The following LRIG1 variants were observed in gnomAD, a reference collection of about 807,000 sequenced individuals.
LRIG1 encodes the protein leucine-rich repeats and immunoglobulin-like domains protein 1.
Under a neutral mutation model 99.2 loss-of-function variants are expected in LRIG1, and 48 were observed. The ratio of observed to expected loss-of-function variants is 0.48; its 90% CI spans 0.38 to 0.62. The LOEUF is 0.62. Ranked by LOEUF, LRIG1 falls within the 20% of genes least tolerant of loss-of-function variation. LRIG1 has a pLI of 0.00. For missense variants in LRIG1, 1,646 were observed against 1,434.4 expected (o/e 1.15, Z -2.38); for synonymous variants, 772 against 596.1 (o/e 1.29, Z -4.30).
intron 2 of LRIG1, among the ~76,000 whole-genome samples, chr3:66,459,454 C>T (rs1700307574): frequency 6.6e-6 from 1 of 152,234 alleles, no homozygotes; most frequent in South Asian, 2.1e-4. Flanking sequence ...GCACAGTGGT[C>T]CTCAGCCTGT....
chr3:66,478,058 A>AAT (rs1248063586), intron 1 of LRIG1, among the ~76,000 whole-genome samples: 1 of 152,186 alleles, frequency 6.6e-6, no homozygotes, highest in South Asian at 2.1e-4. Context: ...AAGTCTTATG[A>AAT]AAGAGGTTAC....
chr3:66,449,990 A>C (rs930593830), intron 3 of LRIG1, among the ~76,000 whole-genome samples: 1 of 152,236 alleles, frequency 6.6e-6, no homozygotes, highest in Non-Finnish European at 1.5e-5. Flanking sequence ...CCTGTGCTTT[A>C]AGCAGCAAGG....
At chr3:66,484,491 A>G (rs915014232) in intron 1 of LRIG1, among the ~76,000 whole-genome samples, 1 of 152,242 alleles carries the variant, frequency 6.6e-6, no homozygotes, top group African/African-American at 2.4e-5. Flanking sequence ...AACGTCAGCC[A>G]TGGTTTCTAT....
intron 1 of LRIG1, among the ~76,000 whole-genome samples, chr3:66,473,734 C>A (rs890496549): frequency 9.8e-5 from 15 of 152,314 alleles, no homozygotes; most frequent in African/African-American, 3.4e-4. Context: ...GGGAGGCACG[C>A]GACTATCTCT....
intron 12 of LRIG1, among the ~76,000 whole-genome samples, chr3:66,390,142 T>C (rs1701558863): frequency 6.6e-6 from 1 of 152,052 alleles, no homozygotes; most frequent in African/African-American, 2.4e-5. Context: ...GAGAAAGAAA[T>C]GAAAGCCACC....
Position 66,417,247 on chromosome 3 carries a change from T to C in LRIG1, c.385A>G (p.Ser129Gly). Reference protein sequence around the residue: ...SLFLQHNKIRSVEGSQLKAYL... With the variant: ...SLFLQHNKIRGVEGSQLKAYL... ...GCCTTCAGCTGGCTCCCCTCCACGC[T>C]GCGAATCTTGTTGTGCTGCCTGAAA... Residue 129 changes from serine (S) to glycine (G), a missense_variant, in exon 4 of 19, where the codon AGC (serine) becomes GGC (glycine). Transcript: ENST00000273261. 6.2e-7 allele frequency: 1 copy of C among 1,614,014 alleles called. No individual in the cohort carries two copies. Among genetic ancestry groups the C allele is most frequent in the East Asian group, 2.2e-5 (1 of 44,870 alleles).
chr3:66,383,078 C>G lies in LRIG1; in HGVS notation c.2395G>C (p.Ala799Pro). Residue 799 changes from alanine (A) to proline (P), a missense_variant, in exon 15 of 19, where the codon GCT (alanine) becomes CCT (proline). Transcript: ENST00000273261. ...DGTTVGIFTI[A>P]VVSSIVLTSL... ...GTCAGGACGATGCTGCTCACGACAG[C>G]AATGGTGAAGATGCCTACCGTGGTC... 6.2e-7 allele frequency: 1 copy of G among 1,614,256 alleles called. No individual in the cohort carries two copies. Among genetic ancestry groups the G allele is most frequent in the Non-Finnish European group, 8.5e-7 (1 of 1,180,056 alleles).
At position 66,383,332 on chromosome 3, in the gene LRIG1, CATTGG is replaced by C. The variant is rs1479056854; in HGVS notation, c.2136_2140del (p.Cys714SerfsTer22). ...GGGCGGAGGGTTCCCCGTGGCTTTG[CATTGG>C]AGGGCCACTGTTTCTCCCACAGATA... On this transcript the variant is annotated frameshift_variant, in exon 15 of 19. Transcript: ENST00000273261. LOFTEE classifies it high-confidence loss of function. 1 of 1,597,984 alleles carries C rather than the reference CATTGG, an allele frequency of 6.3e-7. No homozygotes were observed. Among genetic ancestry groups the C allele is most frequent in the East Asian group, 2.2e-5 (1 of 44,522 alleles).
chr3:66,391,818 A>G (rs541016067), intron 12 of LRIG1, among the ~76,000 whole-genome samples: 1 of 152,310 alleles, frequency 6.6e-6, no homozygotes, highest in South Asian at 2.1e-4. Context: ...CTTCATCTAC[A>G]CTACAACTCA....
In LRIG1 at chr3:66,381,511, T is replaced by C. The variant is rs376305535; in HGVS notation, c.2738A>G (p.Lys913Arg). ...YHKEPWKAME[K>R]AEGTPGPHKM... Reference sequence around the variant, plus strand: ...ATGTGGCCCAGGTGTCCCTTCAGCTTTCTCCATCGCTTTCCACGGCTCTTT... The same window carrying C: ...ATGTGGCCCAGGTGTCCCTTCAGCTCTCTCCATCGCTTTCCACGGCTCTTT... The change falls in exon 17 of 19, where the codon AAA becomes AGA. Residue 913 changes from lysine (K) to arginine (R), a missense_variant. Physicochemically the swap from Lys to Arg is conservative, Grantham distance 26 (BLOSUM62 2). Coordinates refer to ENST00000273261, the MANE Select transcript of LRIG1 (RefSeq NM_015541.3). 1.1e-5 allele frequency: 17 copies of C among 1,613,844 alleles called. No individual in the cohort carries two copies. The highest frequency in any genetic ancestry group is 1.4e-5 in the Non-Finnish European group (16 of 1,179,862).
intron 1 of LRIG1, among the ~76,000 whole-genome samples, chr3:66,492,641 C>T (rs888371867): frequency 2.0e-5 from 3 of 152,098 alleles, no homozygotes; most frequent in Admixed American, 6.6e-5. Context: ...TAAAAAGAGG[C>T]CATGCTTTCT....
intron 3 of LRIG1, among the ~76,000 whole-genome samples, chr3:66,433,067 T>C (rs936999820): frequency 6.6e-6 from 1 of 152,162 alleles, no homozygotes; most frequent in African/African-American, 2.4e-5. Context: ...CATGTCCCCA[T>C]CCTAAACAGG....
At chr3:66,476,911 G>T (rs753124270) in intron 1 of LRIG1, among the ~76,000 whole-genome samples, 1 of 152,122 alleles carries the variant, frequency 6.6e-6, no homozygotes, top group Non-Finnish European at 1.5e-5. Flanking sequence ...AAACACTTCC[G>T]TTCCCTTCAA....
At chr3:66,382,444 G>GAAATGCAGACACACGTTCA (rs1559764317) in intron 15 of LRIG1, 46 bp from the exon 16 acceptor site, 4 of 1,611,536 alleles carry the variant, frequency 2.5e-6, no homozygotes, top group Non-Finnish European at 3.4e-6. Flanking sequence ...TCAGTGACAA[G>GAAATGCAGACACACGTTCA]AAATGCAGAC....
chr3:66,485,785 A>G (rs1470400219), intron 1 of LRIG1, among the ~76,000 whole-genome samples: 1 of 152,194 alleles, frequency 6.6e-6, no homozygotes, highest in African/African-American at 2.4e-5. Context: ...CAGGCAAACC[A>G]AAAATGGATC....
intron 3 of LRIG1, among the ~76,000 whole-genome samples, chr3:66,422,247 A>T (rs1166898567): frequency 6.6e-6 from 1 of 152,154 alleles, no homozygotes; most frequent in Non-Finnish European, 1.5e-5. Context: ...GCCAGCTTGA[A>T]TTTCTCCTCA....
chr3:66,406,383 T>G, intron 8 of LRIG1: 1 of 985,458 alleles, frequency 1.0e-6, no homozygotes, highest in Non-Finnish European at 1.2e-6. Context: ...CCGCTCAGTC[T>G]GAATGTTCCC....
chr3:66,430,224 A>G lies in LRIG1; in HGVS notation c.366-12958T>C, dbSNP rs114140257. 5.2e-3 allele frequency among the ~76,000 whole-genome samples: 792 copies of G among 152,272 alleles called. 11 individuals are homozygous for G. Among genetic ancestry groups the G allele is most frequent in the African/African-American group, 0.014 (594 of 41,518 alleles). ...AACACTGAGGCAGGACCAACCATCC[A>G]ATTAAAAACTTTTAAAAAGAAAAAA... On this transcript the variant is annotated intron_variant, in intron 3 of 18. Transcript: ENST00000273261.
chr3:66,460,086 G>A (rs1319815127), intron 2 of LRIG1, among the ~76,000 whole-genome samples: 1 of 151,880 alleles, frequency 6.6e-6, no homozygotes, highest in African/African-American at 2.4e-5. Context: ...CCTGTGTTGG[G>A]TGCCTCACTT....
Sources: gnomAD v4.1 joint callset for allele counts (sites outside exome capture counted in the v4.1 genomes callset) on GRCh38, gnomAD v4.1.1 for gene constraint, MANE v1.5 for transcripts, NCBI Gene and HGNC (gene_info 2026-07-23, HGNC 2026-07-21) for gene names.